The following EMSY variants were observed in gnomAD, a reference collection of about 807,000 sequenced individuals.
The protein encoded by EMSY is EMSY transcriptional repressor, BRCA2 interacting.
In EMSY, 26 loss-of-function variants were observed where a neutral mutation model predicts 134.6. The observed-to-expected ratio is 0.19, with a 90% CI of 0.14 to 0.27. The LOEUF is 0.27. Ranked by LOEUF, EMSY falls within the 10% of genes least tolerant of loss-of-function variation. The probability of loss-of-function intolerance (pLI) is 1.00; values close to 1 mark genes in which losing one functional copy is unlikely to be tolerated. For missense variants in EMSY, 1,305 were observed against 1,611.4 expected (o/e 0.81, Z 3.26); for synonymous variants, 579 against 577.8 (o/e 1.00, Z -0.03).
rs527340200 is a variant in EMSY, at chr11:76,515,507, T to A, written c.1514-635T>A. The stretch of plus-strand genomic sequence containing the variant: ...ACATGAAGAAAAATAGTCTAACAGG[T>A]CTAAAGTTGAGGAAATAGGTAAATA... On this transcript the variant is annotated intron_variant, in intron 10 of 20. Coordinates refer to ENST00000334736, the Ensembl canonical transcript of EMSY. Among the ~76,000 whole-genome samples the A allele has an allele frequency of 2.0e-4, 30 of 152,226 alleles. No homozygotes were observed. In the South Asian group the frequency reaches 5.2e-3, roughly 26 times the overall value.
At chr11:76,445,733 G>A (rs1371009752) in intron 1 of EMSY, among the ~76,000 whole-genome samples, 1 of 152,190 alleles carries the variant, frequency 6.6e-6, no homozygotes, top group Non-Finnish European at 1.5e-5. Flanking sequence ...CCGTGACGTG[G>A]TGCTCGGTTC....
intron 8 of EMSY, among the ~76,000 whole-genome samples, chr11:76,482,438 A>G (rs1949017350): frequency 6.6e-6 from 1 of 152,208 alleles, no homozygotes; most frequent in Non-Finnish European, 1.5e-5. Flanking sequence ...GAAGGTGGAT[A>G]TTAACAAACC....
At chr11:76,542,773 T>A (rs1398613608) in intron 18 of EMSY, among the ~76,000 whole-genome samples, 2 of 151,558 alleles carry the variant, frequency 1.3e-5, no homozygotes, top group Non-Finnish European at 2.9e-5. Context: ...TTTTTTGCTT[T>A]TATAATGAAT....
At chr11:76,496,607 C>A in intron 9 of EMSY, 138 bp downstream of exon 10, 1 of 938,232 alleles carries the variant, frequency 1.1e-6, no homozygotes, top group Non-Finnish European at 1.7e-6. Flanking sequence ...CAGCTTTCAG[C>A]ATATAGATTC....
In EMSY at chr11:76,523,145, C is replaced by T. The variant is rs759822776; in HGVS notation, c.1685-10C>T. The T allele has an allele frequency of 1.5e-4, 234 of 1,602,400 alleles. 1 individual carries two copies. Among genetic ancestry groups the T allele is most frequent in the South Asian group, 1.1e-5 (1 of 88,472 alleles). On this transcript the variant is annotated splice_polypyrimidine_tract_variant and intron_variant, in intron 11 of 20. Coordinates refer to ENST00000334736, the Ensembl canonical transcript of EMSY. The stretch of plus-strand genomic sequence containing the variant: ...TAACTCAGGCCTCCTTTTCTTCCCC[C>T]TTTTCTAAGGAACGACTACCAAAAT...
At chr11:76,504,033 A>G (rs575215458) in intron 9 of EMSY, among the ~76,000 whole-genome samples, 110 of 151,212 alleles carry the variant, frequency 7.3e-4, no homozygotes, top group Middle Eastern at 3.4e-3. Flanking sequence ...TGATCCACCT[A>G]CCTTGGCCTC....
At position 76,490,502 on chromosome 11, in the gene EMSY, T is replaced by A. The variant is rs1158763871; in HGVS notation, c.1109-5713T>A. On this transcript the variant is annotated intron_variant, in intron 8 of 20. Coordinates refer to ENST00000334736, the Ensembl canonical transcript of EMSY. ...GCTTACAGTATGCATTTTCAATTTATAACAGTCTACCTTGAAATAATATAC... is the reference window on the plus strand; with the variant it reads ...GCTTACAGTATGCATTTTCAATTTAAAACAGTCTACCTTGAAATAATATAC... Among the ~76,000 whole-genome samples the A allele has an allele frequency of 2.0e-5, 3 of 152,258 alleles. No individual in the cohort carries two copies. In the East Asian group the frequency reaches 5.8e-4, roughly 29 times the overall value.
At chr11:76,462,356 A>G (rs1948158220) in intron 6 of EMSY, among the ~76,000 whole-genome samples, 1 of 152,260 alleles carries the variant, frequency 6.6e-6, no homozygotes, top group South Asian at 2.1e-4. Flanking sequence ...TATGCTCAGA[A>G]GTCATACCAA....
intron 9 of EMSY, among the ~76,000 whole-genome samples, chr11:76,507,865 C>CTTTTTTTTTTTTTT (rs55756987): frequency 5.9e-5 from 7 of 118,632 alleles, no homozygotes; most frequent in Non-Finnish European, 7.4e-5. Context: ...TTTTCTTTTT[C>CTTTTTTTTTTTTTT]TTTTTTTTTT....
intron 8 of EMSY, among the ~76,000 whole-genome samples, chr11:76,490,954 A>G (rs1949396309): frequency 6.6e-6 from 1 of 152,122 alleles, no homozygotes; most frequent in South Asian, 2.1e-4. Context: ...TCAATCAAAC[A>G]TTGCATGTTA....
At chr11:76,504,514 A>G (rs1033679343) in intron 9 of EMSY, among the ~76,000 whole-genome samples, 1 of 152,180 alleles carries the variant, frequency 6.6e-6, no homozygotes, top group Non-Finnish European at 1.5e-5. Flanking sequence ...GCCTAGAATC[A>G]ATGTAACAGA....
At chr11:76,503,663 A>G (rs1483500732) in intron 9 of EMSY, among the ~76,000 whole-genome samples, 2 of 152,228 alleles carry the variant, frequency 1.3e-5, no homozygotes, top group African/African-American at 4.8e-5. Context: ...CTCTTAGAAA[A>G]AAACTTAGGG....
chr11:76,534,689 G>T (rs1951164551), intron 14 of EMSY, among the ~76,000 whole-genome samples: 1 of 152,054 alleles, frequency 6.6e-6, no homozygotes, highest in African/African-American at 2.4e-5. Context: ...TCATTCTTCT[G>T]TGATGCTTTC....
chr11:76,453,576 G>C (rs1202256958), intron 4 of EMSY, 188 bp downstream of exon 4: 1 of 443,402 alleles, frequency 2.3e-6, no homozygotes, highest in Non-Finnish European at 3.9e-6. Flanking sequence ...TTTGCATTTG[G>C]TTAGGCAAGC....
intron 7 of EMSY, 69 bp downstream of exon 8, chr11:76,464,149 C>A: frequency 6.4e-7 from 1 of 1,564,988 alleles, no homozygotes; most frequent in South Asian, 1.2e-5. Context: ...ATTTAATAAA[C>A]ATGCACTGAG....
chr11:76,457,421 T>C (rs2134996677), intron 4 of EMSY, among the ~76,000 whole-genome samples: 1 of 152,326 alleles, frequency 6.6e-6, no homozygotes, highest in Non-Finnish European at 1.5e-5. Context: ...TCTGGTTGGA[T>C]TCTTGGAATA....
chr11:76,452,635 T>A (rs1172123060), intron 3 of EMSY, among the ~76,000 whole-genome samples: 1 of 152,238 alleles, frequency 6.6e-6, no homozygotes, highest in Non-Finnish European at 1.5e-5. Flanking sequence ...TTATTGAGTA[T>A]TTATGAATGG....
At chr11:76,451,432 G>A (rs143238406) in intron 2 of EMSY, among the ~76,000 whole-genome samples, 24 of 152,290 alleles carry the variant, frequency 1.6e-4, no homozygotes, top group Admixed American at 1.2e-3. Context: ...TACACAGGAG[G>A]GAGGTAGAAT....
At chr11:76,536,379 C>T (rs1202292544) in intron 15 of EMSY, among the ~76,000 whole-genome samples, 1 of 152,136 alleles carries the variant, frequency 6.6e-6, no homozygotes, top group Non-Finnish European at 1.5e-5. Context: ...AGGAGTAGTT[C>T]TATCACTTCT....
Sources: allele counts gnomAD v4.1 joint callset (sites outside exome capture counted in the v4.1 genomes callset), GRCh38; gene constraint gnomAD v4.1.1; transcripts MANE v1.5; gene names NCBI Gene and HGNC (gene_info 2026-07-23, HGNC 2026-07-21).